Variants in RBFOX1 observed in about 807,000 individuals in gnomAD.
The protein encoded by RBFOX1 is RNA binding protein fox-1 homolog 1.
In RBFOX1, 8 loss-of-function variants were observed where a neutral mutation model predicts 57.7. The ratio of observed to expected loss-of-function variants is 0.14; its 90% confidence interval spans 0.08 to 0.25. The LOEUF is 0.25. Among genes scored for constraint, RBFOX1 ranks in the 10% least tolerant of loss-of-function variants. The probability of loss-of-function intolerance (pLI) is 1.00; values close to 1 mark genes in which losing one functional copy is unlikely to be tolerated. For missense variants in RBFOX1, 611 were observed against 548.5 expected, an observed-to-expected ratio of 1.11 and a Z score of -1.14; for synonymous variants, 326 against 222.4, an observed-to-expected ratio of 1.47 and a Z score of -4.15.
At chr16:7,474,794 G>C (rs573981732) in intron 4 of RBFOX1, among the ~76,000 whole-genome samples, 1 of 152,160 alleles carries the variant, frequency 6.6e-6, no homozygotes, top group Non-Finnish European at 1.5e-5. Context: ...AGTATAAAGC[G>C]TTCACCATGA....
intron 4 of RBFOX1, among the ~76,000 whole-genome samples, chr16:7,144,775 A>G (rs965484014): frequency 6.6e-6 from 1 of 152,152 alleles, no homozygotes; most frequent in African/African-American, 2.4e-5. Flanking sequence ...ACTATGAAAA[A>G]GAGCCCTAAA....
intron 4 of RBFOX1, among the ~76,000 whole-genome samples, chr16:7,490,368 G>C (rs775676245): frequency 2.0e-5 from 3 of 152,142 alleles, no homozygotes; most frequent in South Asian, 2.1e-4. Context: ...GGCGAGATTA[G>C]GTTTGCAGAA....
intron 4 of RBFOX1, among the ~76,000 whole-genome samples, chr16:5,935,289 T>G (rs1424131): frequency 0.73 from 110,453 of 151,986 alleles, 40,297 homozygotes; most frequent in Middle Eastern, 0.82. Context: ...TTCCCAAGAG[T>G]AGGGGGCAGG....
chr16:6,050,405 C>T (rs1373588121), intron 1 of RBFOX1, among the ~76,000 whole-genome samples: 2 of 152,192 alleles, frequency 1.3e-5, no homozygotes, highest in African/African-American at 4.8e-5. Context: ...TTGCTGATTG[C>T]ATCCCTGTGG....
Position 7,341,220 on chromosome 16 carries a change from T to G in RBFOX1, c.28-176927T>G, listed in dbSNP as rs530598491. On this transcript the variant is annotated intron_variant, in intron 4 of 15. Transcript: ENST00000550418. ...TGATTCACTGCTGAGCCCTAAGAGA[T>G]GCCCAGAAACATTGAACTCAATACT... Among the ~76,000 whole-genome samples the G allele has an allele frequency of 2.5e-4, 38 of 152,308 alleles. 1 individual carries two copies. The South Asian group carries it at 6.0e-3, about 24-fold the overall frequency.
chr16:7,454,015 C>T (rs2057962643), intron 4 of RBFOX1, among the ~76,000 whole-genome samples: 1 of 152,174 alleles, frequency 6.6e-6, no homozygotes, highest in African/African-American at 2.4e-5. Context: ...GGTGGATTGC[C>T]TGAGGTCAGG....
At chr16:7,405,346 G>T (rs1339614703) in intron 4 of RBFOX1, among the ~76,000 whole-genome samples, 11 of 152,222 alleles carry the variant, frequency 7.2e-5, no homozygotes, top group Non-Finnish European at 5.9e-5. Flanking sequence ...GCTGCGATGA[G>T]ATTAGCAGAT....
rs1031882332 is a variant in RBFOX1 at position 7,100,568 on chromosome 16, T to G, written c.27+48470T>G. ...AAAACATGGGTTTTTAAAGGTTGTT[T>G]TTTTTTTTTTTTTTTTTAGCATATG... On this transcript the variant is annotated intron_variant, in intron 4 of 15. Transcript: ENST00000550418. Among the ~76,000 whole-genome samples the G allele has an allele frequency of 5.4e-4, 13 of 24,018 alleles. 1 individual carries two copies. The highest frequency in any genetic ancestry group is 2.7e-3 in the South Asian group (2 of 734). 15.8% of individuals were successfully genotyped at this position (24,018 alleles called of 152,430 possible).
At chr16:7,616,905 A>T in intron 10 of RBFOX1, among the ~76,000 whole-genome samples, 1 of 152,116 alleles carries the variant, frequency 6.6e-6, no homozygotes, top group East Asian at 1.9e-4. Context: ...CCAAAGTCCA[A>T]TCCTAAGGAC....
chr16:7,571,357 C>G (rs780294297), intron 5 of RBFOX1, among the ~76,000 whole-genome samples: 19 of 152,188 alleles, frequency 1.2e-4, no homozygotes, highest in Non-Finnish European at 2.4e-4. Flanking sequence ...GCATGTATCT[C>G]TACACGACTA....
chr16:6,247,079 A>G (rs960724448), intron 1 of RBFOX1, among the ~76,000 whole-genome samples: 1 of 152,120 alleles, frequency 6.6e-6, no homozygotes, highest in Non-Finnish European at 1.5e-5. Flanking sequence ...TCAAACTAAC[A>G]AACTAAAAAA....
At chr16:6,734,035 T>C (rs1270466047) in intron 3 of RBFOX1, among the ~76,000 whole-genome samples, 1 of 152,248 alleles carries the variant, frequency 6.6e-6, no homozygotes, top group African/African-American at 2.4e-5. Context: ...CACGTGCTTA[T>C]GTTTCTTGCC....
intron 1 of RBFOX1, among the ~76,000 whole-genome samples, chr16:6,292,401 C>T (rs899078063): frequency 2.0e-5 from 3 of 149,844 alleles, no homozygotes; most frequent in Non-Finnish European, 4.4e-5. Context: ...AACCTAATTG[C>T]ATGTGAATTT....
At chr16:7,057,643 A>C (rs547448952) in intron 4 of RBFOX1, among the ~76,000 whole-genome samples, 1 of 152,318 alleles carries the variant, frequency 6.6e-6, no homozygotes, top group East Asian at 1.9e-4. Context: ...GAAGCAACAC[A>C]GTTGCCCAGG....
At chr16:7,545,635 G>T (rs562721021) in intron 5 of RBFOX1, among the ~76,000 whole-genome samples, 1 of 152,104 alleles carries the variant, frequency 6.6e-6, no homozygotes, top group African/African-American at 2.4e-5. Flanking sequence ...GACCCAGTAC[G>T]TTTAGAATTA....
chr16:7,470,996 A>G (rs940435549), intron 4 of RBFOX1, among the ~76,000 whole-genome samples: 6 of 152,126 alleles, frequency 3.9e-5, no homozygotes, highest in African/African-American at 1.4e-4. Context: ...TACTGCCAAG[A>G]TAGATTTTAT....
At chr16:7,550,809 G>A (rs1352359852) in intron 5 of RBFOX1, among the ~76,000 whole-genome samples, 4 of 151,970 alleles carry the variant, frequency 2.6e-5, no homozygotes, top group African/African-American at 9.7e-5. Context: ...AAATGCTAAT[G>A]GGGGTCAGGT....
intron 4 of RBFOX1, among the ~76,000 whole-genome samples, chr16:7,441,611 CCT>C (rs966121292): frequency 2.0e-5 from 3 of 152,160 alleles, no homozygotes; most frequent in African/African-American, 7.2e-5. Context: ...TTTTTTCCCC[CCT>C]GTTATTAGCT....
At chr16:6,302,548 C>T (rs951237248) in intron 1 of RBFOX1, among the ~76,000 whole-genome samples, 3 of 152,104 alleles carry the variant, frequency 2.0e-5, no homozygotes, top group African/African-American at 4.8e-5. Flanking sequence ...CTGAGAGGCA[C>T]GTAGTATATC....
Sources: gnomAD v4.1 joint callset for allele counts (sites outside exome capture counted in the v4.1 genomes callset) on GRCh38, gnomAD v4.1.1 for gene constraint, MANE v1.5 for transcripts, NCBI Gene and HGNC (gene_info 2026-07-23, HGNC 2026-07-21) for gene names.